The following FAM83A variants were observed in gnomAD, a reference collection of about 807,000 sequenced individuals.
The protein encoded by FAM83A is scaffolding CK1 anchoring protein A.
Under a neutral mutation model 24.4 loss-of-function variants are expected in FAM83A, and 21 were observed. That is an observed-to-expected ratio of 0.86 (90% CI 0.61 to 1.24). FAM83A has a LOEUF of 1.24. Among genes scored for constraint, FAM83A ranks in the 50% most tolerant of loss-of-function variants. The pLI, the probability that FAM83A is intolerant of heterozygous loss-of-function variation, is 0.00. For missense variants in FAM83A, 617 were observed against 579.8 expected, an observed-to-expected ratio of 1.06 and a Z score of -0.66; for synonymous variants, 270 against 252.4, an observed-to-expected ratio of 1.07 and a Z score of -0.66.
At chr8:123,207,556 C>T in exon 4 of FAM83A, 2 of 1,537,950 alleles carry the variant, frequency 1.3e-6, no homozygotes, top group East Asian at 2.4e-5. Flanking sequence ...GGCCCCACGA[C>T]GGCCCGCCCG....
At chr8:123,182,945 G>T (rs773943516) in exon 1 of FAM83A, 1 of 1,599,002 alleles carries the variant, frequency 6.3e-7, no homozygotes, top group South Asian at 1.1e-5. Context: ...GCTGACTTTA[G>T]TGACAACGAG....
chr8:123,204,364 A>G (rs1824469379), intron 3 of FAM83A, among the ~76,000 whole-genome samples: 1 of 152,208 alleles, frequency 6.6e-6, no homozygotes, highest in Non-Finnish European at 1.5e-5. Flanking sequence ...TTAAATAGTT[A>G]AATAAGTGAA....
rs565898168 is a variant in FAM83A, at chr8:123,207,771, G to T, written c.*83G>T. 55 of 1,409,736 alleles carry T rather than the reference G, an allele frequency of 3.9e-5. No homozygotes were observed. In the African/African-American group the frequency reaches 5.9e-4, roughly 15 times the overall value. The allele number at this position is 1,409,736 out of a possible 1,614,324, so 87.3% of individuals were successfully genotyped here. The stretch of plus-strand genomic sequence containing the variant: ...AAGACCCACCTCAACGACGAGTGGC[G>T]TTGAGCCACTTCCCTTTGAAAAGAC... On this transcript the variant is annotated 3_prime_UTR_variant, in exon 4 of 4. Coordinates refer to ENST00000690554, the Ensembl canonical transcript of FAM83A.
rs150675836 is a variant in FAM83A at position 123,204,479 on chromosome 8, T to C, written c.774-2678T>C. ...CAAACAACAATAGAAATAAAATGTA[T>C]TGGCCGGGCGCAGTGGCTCACGCCT... On this transcript the variant is annotated intron_variant, in intron 3 of 3. Transcript: ENST00000690554. 2.9e-3 allele frequency among the ~76,000 whole-genome samples: 441 copies of C among 152,290 alleles called. 2 individuals carry two copies. Among genetic ancestry groups the C allele is most frequent in the African/African-American group, 0.01 (420 of 41,560 alleles).
intron 1 of FAM83A, among the ~76,000 whole-genome samples, chr8:123,187,655 A>G (rs1293207244): frequency 1.3e-5 from 2 of 152,196 alleles, no homozygotes; most frequent in African/African-American, 4.8e-5. Flanking sequence ...GCAAACACCA[A>G]TAGCTGTAAC....
chr8:123,187,299 G>A (rs1563780652), intron 1 of FAM83A, among the ~76,000 whole-genome samples: 2 of 152,152 alleles, frequency 1.3e-5, no homozygotes, highest in African/African-American at 2.4e-5. Context: ...GATCCCTGAG[G>A]TCCCTGGGGC....
At chr8:123,185,429 T>A (rs1823761062) in intron 1 of FAM83A, among the ~76,000 whole-genome samples, 1 of 152,126 alleles carries the variant, frequency 6.6e-6, no homozygotes, top group African/African-American at 2.4e-5. Context: ...GCTGAGTCCC[T>A]CTCCTCCCCA....
In FAM83A at chr8:123,206,275, T is replaced by C. The variant is rs371800988; in HGVS notation, c.774-882T>C. Among the ~76,000 whole-genome samples, 625 of 152,098 alleles carry C rather than the reference T, an allele frequency of 4.1e-3. 4 individuals carry two copies. Among genetic ancestry groups the C allele is most frequent in the African/African-American group, 0.014 (591 of 41,476 alleles). The stretch of plus-strand genomic sequence containing the variant: ...TCCACCACCCCTCGCCCCGACAGCC[T>C]CGGCCCCGTGTCTGGGTGCTTCCTC... On this transcript the variant is annotated intron_variant, in intron 3 of 3. Coordinates refer to ENST00000690554, the Ensembl canonical transcript of FAM83A.
intron 3 of FAM83A, among the ~76,000 whole-genome samples, chr8:123,200,609 G>C (rs2131094880): frequency 6.6e-6 from 1 of 152,264 alleles, no homozygotes; most frequent in South Asian, 2.1e-4. Context: ...TTGAGGTCAG[G>C]AGTTTGAGAC....
At chr8:123,185,814 G>A (rs151084014) in intron 1 of FAM83A, among the ~76,000 whole-genome samples, 18 of 152,252 alleles carry the variant, frequency 1.2e-4, no homozygotes, top group South Asian at 2.1e-4. Flanking sequence ...ATTTTGAGAC[G>A]GAGTCTCACT....
upstream of FAM83A, among the ~76,000 whole-genome samples, chr8:123,181,210 G>A (rs987123818): frequency 6.6e-6 from 1 of 152,206 alleles, no homozygotes; most frequent in African/African-American, 2.4e-5. Context: ...GCCTCCCAAA[G>A]TGCTGGGATT....
intron 1 of FAM83A, among the ~76,000 whole-genome samples, chr8:123,186,041 G>A (rs1823780686): frequency 1.3e-5 from 2 of 152,054 alleles, no homozygotes; most frequent in Non-Finnish European, 1.5e-5. Flanking sequence ...CACCCACCTC[G>A]GCCTCCCAAA....
chr8:123,187,105 G>T (rs1823827634), intron 1 of FAM83A, among the ~76,000 whole-genome samples: 1 of 152,188 alleles, frequency 6.6e-6, no homozygotes, highest in Non-Finnish European at 1.5e-5. Flanking sequence ...AGAGAAGGAA[G>T]GGAAAGGAAT....
At chr8:123,185,535 A>G (rs1161682908) in intron 1 of FAM83A, among the ~76,000 whole-genome samples, 1 of 152,176 alleles carries the variant, frequency 6.6e-6, no homozygotes, top group East Asian at 1.9e-4. Flanking sequence ...TTAGGACAAC[A>G]CTTAAAAATC....
At position 123,191,456 on chromosome 8, in the gene FAM83A, T is replaced by C. The variant is rs139189774; in HGVS notation, c.481-347T>C. On this transcript the variant is annotated intron_variant, in intron 1 of 3. Coordinates refer to ENST00000690554, the Ensembl canonical transcript of FAM83A. ...TCCATAACCTTAACTTTATTCCTCTTCTGGAACCGGTTGAGATGCTTCTTC... is the reference window on the plus strand; with the variant it reads ...TCCATAACCTTAACTTTATTCCTCTCCTGGAACCGGTTGAGATGCTTCTTC... 3.9e-3 allele frequency among the ~76,000 whole-genome samples: 595 copies of C among 152,300 alleles called. 4 individuals are homozygous for C. The highest frequency in any genetic ancestry group is 0.014 in the African/African-American group (569 of 41,542).
chr8:123,207,524 C>T (rs1244363114), exon 4 of FAM83A: 1 of 1,570,712 alleles, frequency 6.4e-7, no homozygotes, highest in South Asian at 1.2e-5. Flanking sequence ...AGCCCCGAGT[C>T]CCCAGGCCCA....
At chr8:123,201,218 C>A (rs781020546) in intron 3 of FAM83A, 1 of 152,136 alleles carries the variant, frequency 6.6e-6, no homozygotes, top group Admixed American at 6.6e-5. Context: ...TTGAAGAAGG[C>A]ATCATCCTCC....
rs758548590 is a variant in FAM83A, at chr8:123,182,979, C to T, written c.123C>T (p.Ala41=). ...AGAGTGCCCGGCTGGCCACGGACGCCCTCTTGGATGGGGGTTCTGAAGCCT... is the reference window on the plus strand; with the variant it reads ...AGAGTGCCCGGCTGGCCACGGACGCTCTCTTGGATGGGGGTTCTGAAGCCT... The change falls in exon 1 of 4, where the codon GCC becomes GCT. Residue 41 remains alanine, a synonymous_variant. Coordinates refer to ENST00000690554, the Ensembl canonical transcript of FAM83A. 5.6e-6 allele frequency: 9 copies of T among 1,611,478 alleles called. No individual in the cohort carries two copies. The South Asian group carries it at 6.6e-5, about 12-fold the overall frequency.
intron 3 of FAM83A, among the ~76,000 whole-genome samples, chr8:123,196,598 TTCCAA>T (rs1824163872): frequency 6.6e-6 from 1 of 152,212 alleles, no homozygotes; most frequent in South Asian, 2.1e-4. Flanking sequence ...TTTACACATT[TTCCAA>T]ACAAAGTCCA....
Sources: allele counts gnomAD v4.1 joint callset (sites outside exome capture counted in the v4.1 genomes callset), GRCh38; gene constraint gnomAD v4.1.1; transcripts MANE v1.5; gene names NCBI Gene and HGNC (gene_info 2026-07-23, HGNC 2026-07-21).